Variants in RSPH6A observed in about 807,000 individuals in gnomAD.
The protein encoded by RSPH6A is radial spoke head 6 homolog A, also known as radial spoke head protein 6 homolog A.
RSPH6A carries 49 observed loss-of-function variants against 66.1 expected under a neutral mutation model. That is an observed-to-expected ratio of 0.74 (90% CI 0.59 to 0.94). The LOEUF is 0.94. RSPH6A is among the 40% of genes least tolerant of loss of function. The pLI, the probability that RSPH6A is intolerant of heterozygous loss-of-function variation, is 0.00. For synonymous variants in RSPH6A, 419 were observed against 402.4 expected (o/e 1.04, Z -0.49); for missense variants, 977 against 948.3 (o/e 1.03, Z -0.40).
At chr19:45,809,876 G>A (rs1970599460) in intron 2 of RSPH6A, among the ~76,000 whole-genome samples, 2 of 152,216 alleles carry the variant, frequency 1.3e-5, no homozygotes, top group South Asian at 2.1e-4. Context: ...GACAGAAAAC[G>A]AGAGAAATAA....
chr19:45,797,680 C>T (rs755268305), intron 5 of RSPH6A, among the ~76,000 whole-genome samples: 30 of 151,654 alleles, frequency 2.0e-4, no homozygotes, highest in Non-Finnish European at 4.1e-4. Context: ...GGCTCGAGAC[C>T]ACCCTGGTGA....
At chr19:45,796,220 C>T in intron 5 of RSPH6A, 114 bp from the exon 6 acceptor site, 1 of 730,368 alleles carries the variant, frequency 1.4e-6, no homozygotes, top group Non-Finnish European at 2.1e-6. Flanking sequence ...GTGGTGTGAT[C>T]TCGACTTACT....
At chr19:45,801,761 AAAC>A (rs369758901) in intron 4 of RSPH6A, among the ~76,000 whole-genome samples, 97 of 151,586 alleles carry the variant, frequency 6.4e-4, no homozygotes, top group African/African-American at 2.2e-3. Flanking sequence ...CTCCATCTCA[AAAC>A]AACAACAATG....
chr19:45,800,083 GA>G (rs1281223221), intron 5 of RSPH6A, among the ~76,000 whole-genome samples: 2 of 152,044 alleles, frequency 1.3e-5, no homozygotes, highest in African/African-American at 4.8e-5. Context: ...CAAACAAGAA[GA>G]ACTGTCCAGG....
At chr19:45,809,252 C>A (rs181957206) in intron 2 of RSPH6A, among the ~76,000 whole-genome samples, 1 of 150,200 alleles carries the variant, frequency 6.7e-6, no homozygotes, top group African/African-American at 2.5e-5. Flanking sequence ...CCACCCGCCT[C>A]GGCCTCCCAA....
At chr19:45,809,002 G>GC (rs908222316) in intron 2 of RSPH6A, among the ~76,000 whole-genome samples, 1 of 83,724 alleles carries the variant, frequency 1.2e-5, no homozygotes, top group Non-Finnish European at 2.1e-5. Flanking sequence ...TTTGTTTTTT[G>GC]CTTTTTTTTT....
At chr19:45,797,081 G>T (rs945533041) in intron 5 of RSPH6A, among the ~76,000 whole-genome samples, 1 of 148,580 alleles carries the variant, frequency 6.7e-6, no homozygotes, top group African/African-American at 2.5e-5. Context: ...AATAAATCAA[G>T]AAATAAGTAA....
rs756666708 is a variant in RSPH6A at position 45,814,950 on chromosome 19, T to C, written c.227A>G (p.Gln76Arg). 1 of 1,614,056 alleles carries C rather than the reference T, an allele frequency of 6.2e-7. No individual in the cohort carries two copies. Among genetic ancestry groups the C allele is most frequent in the African/African-American group, 1.3e-5 (1 of 75,062 alleles). ...GCCACCCAGCCGGGCTTCCTCAGCC[T>C]GGAAGACCTGGGGCATCAGCAAGTT... The part of the protein sequence containing the change: ...QENLLMPQVF[Q>R]AEEARLGGME... The change falls in exon 1 of 6, where the codon CAG becomes CGG. Residue 76 changes from glutamine to arginine, a missense_variant. By Grantham distance (43) the Gln-to-Arg change is conservative. Coordinates refer to ENST00000221538, the MANE Select transcript of RSPH6A (RefSeq NM_030785.4).
chr19:45,809,890 C>G (rs896946337), intron 2 of RSPH6A, among the ~76,000 whole-genome samples: 2 of 152,212 alleles, frequency 1.3e-5, no homozygotes, highest in Non-Finnish European at 1.5e-5. Context: ...GAAATAAGAG[C>G]CTTGCCTTGA....
At chr19:45,806,985 C>T (rs1339932704) in intron 2 of RSPH6A, among the ~76,000 whole-genome samples, 1 of 151,440 alleles carries the variant, frequency 6.6e-6, no homozygotes, top group Non-Finnish European at 1.5e-5. Flanking sequence ...ACCTCCACTC[C>T]TGGGTTCAAG....
At position 45,810,705 on chromosome 19, in the gene RSPH6A, G is replaced by A. The variant is rs200227156; in HGVS notation, c.786C>T (p.Asp262=). 9.9e-6 allele frequency: 16 copies of A among 1,614,124 alleles called. No individual in the cohort carries two copies. Among genetic ancestry groups the A allele is most frequent in the Non-Finnish European group, 1.4e-5 (16 of 1,180,024 alleles). Residue 262 remains aspartate (D), a synonymous_variant, in exon 2 of 6, where the codon GAC becomes GAT. Coordinates refer to ENST00000221538, the MANE Select transcript of RSPH6A (RefSeq NM_030785.4). ...TCTTGTAGGTGGGCTGCATCTCGGGGTCGTCCCGCAGCGTGTCCAGCTTGG... is the reference window on the plus strand; with the variant it reads ...TCTTGTAGGTGGGCTGCATCTCGGGATCGTCCCGCAGCGTGTCCAGCTTGG... ...FHPKLDTLRD[D]PEMQPTYKMA... is the part of the protein sequence containing the mutation.
At position 45,800,456 on chromosome 19, in the gene RSPH6A, C is replaced by T; in HGVS notation, c.1906G>A (p.Ala636Thr). The T allele has an allele frequency of 6.2e-7, 1 of 1,612,630 alleles. No homozygotes were observed. The highest frequency in any genetic ancestry group is 1.3e-5 in the African/African-American group (1 of 74,996). ...TGGGGGAAGACCTACTTGCCACTGGCATAGGCATAGGCCCCGGGCCAGAGG... is the reference window on the plus strand; with the variant it reads ...TGGGGGAAGACCTACTTGCCACTGGTATAGGCATAGGCCCCGGGCCAGAGG... ...SNLWPGAYAY[A>T]SGKKFENIYI... Residue 636 changes from alanine to threonine, a missense_variant, in exon 5 of 6, where the codon GCC becomes ACC. By Grantham distance (58) the Ala-to-Thr change is moderately conservative. Transcript: ENST00000221538.
In RSPH6A at chr19:45,798,927, G is replaced by T. The variant is rs539858447; in HGVS notation, c.1916+1519C>A. Among the ~76,000 whole-genome samples the T allele has an allele frequency of 1.6e-4, 25 of 152,096 alleles. No individual in the cohort carries two copies. In the South Asian group the frequency reaches 1.9e-3, roughly 11 times the overall value. On this transcript the variant is annotated intron_variant, in intron 5 of 5. Coordinates refer to ENST00000221538, the MANE Select transcript of RSPH6A (RefSeq NM_030785.4). ...GGTGGGGGACAGAAGAGCGTTGGGTGGGTGGGGGCAGAGGATGGATGGACA... is the reference window on the plus strand; with the variant it reads ...GGTGGGGGACAGAAGAGCGTTGGGTTGGTGGGGGCAGAGGATGGATGGACA...
At chr19:45,810,962 T>C (rs946375685) in intron 1 of RSPH6A, 122 bp from the exon 2 acceptor site, 45 of 613,014 alleles carry the variant, frequency 7.3e-5, no homozygotes, top group Non-Finnish European at 8.3e-6. Flanking sequence ...AAAAGGTCCC[T>C]GCCCAGGTGT....
chr19:45,800,452 C>G lies in RSPH6A; in HGVS notation c.1910G>C (p.Ser637Thr), dbSNP rs761632612. The part of the protein sequence containing the change: ...NLWPGAYAYA[S>T]GKKFENIYIG... ...GGGCTGGGGGAAGACCTACTTGCCA[C>G]TGGCATAGGCATAGGCCCCGGGCCA... The change falls in exon 5 of 6, where the codon AGT becomes ACT. Residue 637 changes from serine (S) to threonine (T), a missense_variant. Physicochemically the swap from Ser to Thr is moderately conservative, Grantham distance 58 (BLOSUM62 1). Transcript: ENST00000221538. 1.9e-6 allele frequency: 3 copies of G among 1,611,806 alleles called. No individual in the cohort carries two copies. In the South Asian group the frequency reaches 3.3e-5, roughly 18 times the overall value.
chr19:45,810,533 A>T, intron 2 of RSPH6A, 70 bp downstream of exon 2: 2 of 1,426,958 alleles, frequency 1.4e-6, no homozygotes, highest in East Asian at 4.6e-5. Flanking sequence ...GCCTTGGCAC[A>T]GGCTGTGCCC....
intron 2 of RSPH6A, among the ~76,000 whole-genome samples, 198 bp downstream of exon 2, chr19:45,810,405 C>T (rs1009013232): frequency 3.9e-5 from 6 of 152,110 alleles, no homozygotes; most frequent in Non-Finnish European, 8.8e-5. Flanking sequence ...CTCCTGACCT[C>T]GTGATCTGCC....
rs369973531 is a variant in RSPH6A, at chr19:45,815,247, C to T, written c.-71G>A. ...AGGAGGCCAAGCGAGAGCCACCTGT[C>T]GACACCGCCGGTTTCTGAGCACCGA... On this transcript the variant is annotated 5_prime_UTR_variant, in exon 1 of 6. Transcript: ENST00000221538. 1 of 1,423,380 alleles carries T rather than the reference C, an allele frequency of 7.0e-7. No homozygotes were observed. The highest frequency in any genetic ancestry group is 1.4e-5 in the South Asian group (1 of 70,540). The allele number at this position is 1,423,380 out of a possible 1,614,324, so 88.2% of individuals were successfully genotyped here.
In RSPH6A at chr19:45,804,409, A is replaced by C. The variant is rs772496044; in HGVS notation, c.1496T>G (p.Phe499Cys). Reference protein sequence around the residue: ...SAATQVSPLGFYQFSEEEGDE... With the variant: ...SAATQVSPLGCYQFSEEEGDE... ...GCCCTCCTCCTCACTAAACTGGTAG[A>C]AGCCCAGCGGGCTGACCTGCGTGGC... Residue 499 changes from phenylalanine (F) to cysteine (C), a missense_variant, in exon 3 of 6, where the codon TTC (phenylalanine) becomes TGC (cysteine). By Grantham distance (205) the Phe-to-Cys change is radical. Coordinates refer to ENST00000221538, the MANE Select transcript of RSPH6A (RefSeq NM_030785.4). The surrounding 1 kb of genome is among the most constrained non-coding windows in gnomAD (Gnocchi z 5.8). 1.2e-6 allele frequency: 2 copies of C among 1,614,112 alleles called. No individual in the cohort carries two copies. Among genetic ancestry groups the C allele is most frequent in the Admixed American group, 3.3e-5 (2 of 60,018 alleles).
Sources: allele counts gnomAD v4.1 joint callset (sites outside exome capture counted in the v4.1 genomes callset), GRCh38; gene constraint gnomAD v4.1.1; non-coding constraint Gnocchi (gnomAD v3.1); transcripts MANE v1.5; gene names NCBI Gene and HGNC (gene_info 2026-07-23, HGNC 2026-07-21).